The following PAN3 variants were observed in gnomAD, a reference collection of about 807,000 sequenced individuals.
PAN3 encodes the protein PAN2-PAN3 deadenylation complex subunit PAN3.
PAN3 carries 19 observed loss-of-function variants against 96.2 expected under a neutral mutation model. That is an observed-to-expected ratio of 0.20 (90% CI 0.14 to 0.29). The LOEUF is 0.29. PAN3 is among the 10% of genes least tolerant of loss of function. The pLI is 1.00. For synonymous variants in PAN3, 433 were observed against 406.6 expected, an observed-to-expected ratio of 1.06 and a Z score of -0.78; for missense variants, 882 against 1,108.1, an observed-to-expected ratio of 0.80 and a Z score of 2.90.
chr13:28,155,594 A>G (rs1286625202), intron 1 of PAN3, among the ~76,000 whole-genome samples: 1 of 152,166 alleles, frequency 6.6e-6, no homozygotes, highest in Non-Finnish European at 1.5e-5. Context: ...ATCTCGAAAA[A>G]AAATAAAAAT....
At chr13:28,186,312 A>G (rs1876460620) in intron 4 of PAN3, among the ~76,000 whole-genome samples, 1 of 152,222 alleles carries the variant, frequency 6.6e-6, no homozygotes, top group Admixed American at 6.5e-5. Context: ...ATGAGATGTT[A>G]TAGTTAAGAG....
chr13:28,222,299 A>G (rs962688631), intron 6 of PAN3, among the ~76,000 whole-genome samples: 1 of 152,036 alleles, frequency 6.6e-6, no homozygotes, highest in East Asian at 1.9e-4. Context: ...TTAGGGTGAA[A>G]TTAATTAATT....
At chr13:28,193,839 T>C (rs985087201) in intron 4 of PAN3, among the ~76,000 whole-genome samples, 1 of 151,426 alleles carries the variant, frequency 6.6e-6, no homozygotes, top group African/African-American at 2.4e-5. Flanking sequence ...AAGTGAATTG[T>C]ATTGACTGTA....
At chr13:28,194,494 G>A (rs1422378167) in intron 4 of PAN3, among the ~76,000 whole-genome samples, 4 of 128,850 alleles carry the variant, frequency 3.1e-5, no homozygotes, top group African/African-American at 3.2e-5. Flanking sequence ...TTGTAGAGAC[G>A]GAGTCTTGCT....
chr13:28,174,413 A>G lies in PAN3; in HGVS notation c.552+20A>G. 1 of 1,609,542 alleles carries G rather than the reference A, an allele frequency of 6.2e-7. No homozygotes were observed. The highest frequency in any genetic ancestry group is 8.5e-7 in the Non-Finnish European group (1 of 1,176,822). ...ATGCAGGTATCCTTAGTATAAATTCATATTGCACTATGAAGTTTATTCTAG... is the reference window on the plus strand; with the variant it reads ...ATGCAGGTATCCTTAGTATAAATTCGTATTGCACTATGAAGTTTATTCTAG... On this transcript the variant is annotated intron_variant, in intron 2 of 18. Transcript: ENST00000380958.
chr13:28,161,039 A>G (rs1249924592), intron 1 of PAN3, among the ~76,000 whole-genome samples: 2 of 152,218 alleles, frequency 1.3e-5, no homozygotes. Context: ...TTGTTATTTT[A>G]CTAAGCAAGC....
At chr13:28,166,417 G>A (rs1873545841) in intron 1 of PAN3, among the ~76,000 whole-genome samples, 1 of 152,196 alleles carries the variant, frequency 6.6e-6, no homozygotes, top group African/African-American at 2.4e-5. Flanking sequence ...GGGACTGGGG[G>A]TGGGTCCTGA....
At chr13:28,219,493 A>G (rs1185055782) in intron 5 of PAN3, among the ~76,000 whole-genome samples, 1 of 152,186 alleles carries the variant, frequency 6.6e-6, no homozygotes, top group Non-Finnish European at 1.5e-5. Flanking sequence ...GGGCAATATT[A>G]TATAGACTTT....
chr13:28,292,552 C>T lies in PAN3; in HGVS notation c.*30C>T. On this transcript the variant is annotated 3_prime_UTR_variant, in exon 19 of 19. Transcript: ENST00000380958. ...TGCTAAAAAAGCACGCAGGACATGG[C>T]TAAAGACCTTAACCAATAGCAAATT... The T allele has an allele frequency of 6.3e-7, 1 of 1,583,386 alleles. No individual in the cohort carries two copies. Among genetic ancestry groups the T allele is most frequent in the Non-Finnish European group, 8.6e-7 (1 of 1,166,916 alleles).
chr13:28,253,632 G>A (rs1442652777), intron 6 of PAN3, among the ~76,000 whole-genome samples: 22 of 147,168 alleles, frequency 1.5e-4, no homozygotes, highest in Admixed American at 8.9e-4. Flanking sequence ...ACAGGGTCTC[G>A]CTATGTTACC....
intron 4 of PAN3, among the ~76,000 whole-genome samples, chr13:28,196,746 CT>C (rs1304759537): frequency 6.6e-6 from 1 of 151,942 alleles, no homozygotes; most frequent in Non-Finnish European, 1.5e-5. Context: ...AGATGGTGAG[CT>C]GAAAAAGTTG....
chr13:28,284,199 G>T (rs1266909054), intron 17 of PAN3, among the ~76,000 whole-genome samples: 2 of 152,102 alleles, frequency 1.3e-5, no homozygotes, highest in South Asian at 4.1e-4. Context: ...GTGAAAAATT[G>T]AATTTAAATG....
intron 6 of PAN3, among the ~76,000 whole-genome samples, chr13:28,227,187 C>G (rs984337380): frequency 6.6e-6 from 1 of 152,100 alleles, no homozygotes; most frequent in Non-Finnish European, 1.5e-5. Context: ...GAAACTGAGG[C>G]GAGACGTTTA....
chr13:28,259,095 T>G (rs1175365219), intron 7 of PAN3, among the ~76,000 whole-genome samples: 1 of 152,040 alleles, frequency 6.6e-6, no homozygotes, highest in Non-Finnish European at 1.5e-5. Flanking sequence ...AGCTTAAATT[T>G]TACTGTATCT....
At chr13:28,141,340 T>G (rs1286233246) in intron 1 of PAN3, among the ~76,000 whole-genome samples, 1 of 152,094 alleles carries the variant, frequency 6.6e-6, no homozygotes, top group African/African-American at 2.4e-5. Flanking sequence ...GTGTTAGACT[T>G]CATAGGTGAT....
At chr13:28,215,075 A>G (rs1880562593) in intron 5 of PAN3, 2 of 946,466 alleles carry the variant, frequency 2.1e-6, no homozygotes, top group South Asian at 2.6e-5. Context: ...ATCCTGACAC[A>G]GTAGCATTTG....
chr13:28,204,034 C>T (rs1359466015), intron 5 of PAN3, among the ~76,000 whole-genome samples: 1 of 151,910 alleles, frequency 6.6e-6, no homozygotes, highest in Non-Finnish European at 1.5e-5. Context: ...ATCTCTCTAT[C>T]TCTTGACCTC....
At chr13:28,249,950 G>T (rs1884565701) in intron 6 of PAN3, among the ~76,000 whole-genome samples, 1 of 152,146 alleles carries the variant, frequency 6.6e-6, no homozygotes, top group South Asian at 2.1e-4. Context: ...TTTCACCATG[G>T]AGATGCTAGT....
intron 6 of PAN3, among the ~76,000 whole-genome samples, chr13:28,228,112 G>A (rs1242891743): frequency 6.6e-6 from 1 of 152,146 alleles, no homozygotes; most frequent in Non-Finnish European, 1.5e-5. Flanking sequence ...AGAGCAATGT[G>A]CCTACTCAGT....
Sources: gnomAD v4.1 joint callset for allele counts (sites outside exome capture counted in the v4.1 genomes callset) on GRCh38, gnomAD v4.1.1 for gene constraint, MANE v1.5 for transcripts, NCBI Gene and HGNC (gene_info 2026-07-23, HGNC 2026-07-21) for gene names.